The following DDX6 variants were observed in gnomAD, a reference collection of about 807,000 sequenced individuals.
DDX6 encodes the protein DEAD-box helicase 6.
A neutral mutation model predicts 60.6 loss-of-function variants in DDX6; 7 were observed. The observed-to-expected ratio is 0.12, with a 90% CI of 0.07 to 0.22. The LOEUF is 0.22. Ranked by LOEUF, DDX6 falls within the 10% of genes least tolerant of loss-of-function variation. DDX6 has a pLI of 1.00. For missense variants in DDX6, 270 were observed against 589.9 expected, an observed-to-expected ratio of 0.46 and a Z score of 5.62; for synonymous variants, 207 against 201.0, an observed-to-expected ratio of 1.03 and a Z score of -0.25.
Position 118,757,213 on chromosome 11 carries a change from T to C in DDX6, c.1068A>G (p.Gln356=), listed in dbSNP as rs782534467. The change falls in exon 10 of 14, where the codon CAA becomes CAG. Residue 356 remains glutamine (Q), a synonymous_variant. Transcript: ENST00000534980. The part of the protein sequence containing the change: ...RVELLAKKIS[Q]LGYSCFYIHA... ...GAATATAGAAGCAAGAATAACCCAG[T>C]TGAGAAATCTTCTTGGCTAGCAATT... The C allele has an allele frequency of 2.6e-5, 41 of 1,591,516 alleles. No individual in the cohort carries two copies. Among genetic ancestry groups the C allele is most frequent in the African/African-American group, 5.4e-5 (4 of 73,988 alleles).
At chr11:118,761,565 T>C (rs1286103475) in intron 7 of DDX6, among the ~76,000 whole-genome samples, 1 of 151,934 alleles carries the variant, frequency 6.6e-6, no homozygotes. Flanking sequence ...TGCGGTGAGC[T>C]GAGATCGCAC....
chr11:118,758,949 C>A, intron 8 of DDX6, 47 bp from the exon 9 acceptor site: 1 of 1,607,796 alleles, frequency 6.2e-7, no homozygotes, highest in Non-Finnish European at 8.5e-7. Context: ...TAAATGAAAG[C>A]AGAGTTCATC....
chr11:118,754,012 C>A (rs1051205984), intron 13 of DDX6, among the ~76,000 whole-genome samples: 6 of 152,096 alleles, frequency 3.9e-5, no homozygotes, highest in Admixed American at 3.3e-4. Flanking sequence ...GCACCAGAAT[C>A]GCTTGAACCT....
intron 6 of DDX6, among the ~76,000 whole-genome samples, chr11:118,764,804 CA>C (rs782383956): frequency 0.33 from 30,118 of 90,812 alleles, 3,157 homozygotes; most frequent in South Asian, 0.41. Flanking sequence ...ACTCCATCTC[CA>C]AAAAAAAAAA....
intron 10 of DDX6, among the ~76,000 whole-genome samples, chr11:118,756,578 C>A (rs1029125659): frequency 4.6e-5 from 7 of 152,046 alleles, no homozygotes; most frequent in African/African-American, 1.7e-4. Flanking sequence ...TTTGCTAAAT[C>A]AAATTCTGAA....
Position 118,756,016 on chromosome 11 carries a change from TCCCC to T in DDX6, c.1174+240_1174+243del, listed in dbSNP as rs58124280. Reference sequence around the variant, plus strand: ...CTGGGTGACAAAGATTCCATCCCCCTCCCCCCCCCCCCCAAAAAAAAGACAGAGA... The same window carrying T: ...CTGGGTGACAAAGATTCCATCCCCCTCCCCCCCCCAAAAAAAAGACAGAGA... On this transcript the variant is annotated intron_variant, in intron 11 of 13. Coordinates refer to ENST00000534980, the MANE Select transcript of DDX6 (RefSeq NM_004397.6). 1.8e-3 allele frequency among the ~76,000 whole-genome samples: 148 copies of T among 81,416 alleles called. 3 individuals carry two copies. In the East Asian group the frequency reaches 0.023, roughly 12 times the overall value. 53.4% of individuals were successfully genotyped at this position (81,416 alleles called of 152,430 possible).
intron 7 of DDX6, among the ~76,000 whole-genome samples, chr11:118,762,140 G>C (rs372793186): frequency 6.6e-6 from 1 of 151,262 alleles, no homozygotes; most frequent in East Asian, 1.9e-4. Context: ...CTGAGCGTGG[G>C]TGGTACATAA....
chr11:118,764,497 A>G (rs1048305543), intron 6 of DDX6, among the ~76,000 whole-genome samples: 1 of 152,068 alleles, frequency 6.6e-6, no homozygotes, highest in Non-Finnish European at 1.5e-5. Flanking sequence ...TTTCTTCAGG[A>G]AAGATTCTTA....
At chr11:118,765,996 G>A (rs1403887953) in intron 5 of DDX6, among the ~76,000 whole-genome samples, 3 of 151,768 alleles carry the variant, frequency 2.0e-5, no homozygotes, top group East Asian at 1.9e-4. Flanking sequence ...GCTTGAACCC[G>A]AGAGGCAGAG....
At chr11:118,769,370 G>A (rs1437108932) in intron 4 of DDX6, among the ~76,000 whole-genome samples, 1 of 152,148 alleles carries the variant, frequency 6.6e-6, no homozygotes, top group African/African-American at 2.4e-5. Context: ...GCTCTCTATT[G>A]AAGGTTCAAT....
At chr11:118,778,357 T>G (rs147606286) in intron 4 of DDX6, among the ~76,000 whole-genome samples, 2 of 152,226 alleles carry the variant, frequency 1.3e-5, no homozygotes, top group African/African-American at 4.8e-5. Context: ...TCAGCACTAC[T>G]GACATTTTGG....
rs1860635334 is a variant in DDX6 at position 118,748,464 on chromosome 11, C to T, written c.*3641G>A. Reference sequence around the variant, plus strand: ...TAAAGTTCACCAAAAAGCTGACTTACTTCAGCTCTCATGAGGCCAATAATT... The same window carrying T: ...TAAAGTTCACCAAAAAGCTGACTTATTTCAGCTCTCATGAGGCCAATAATT... On this transcript the variant is annotated 3_prime_UTR_variant, in exon 14 of 14. Coordinates refer to ENST00000534980, the MANE Select transcript of DDX6 (RefSeq NM_004397.6). The T allele has an allele frequency of 6.6e-6, 1 of 152,186 alleles. No individual in the cohort carries two copies. Among genetic ancestry groups the T allele is most frequent in the Non-Finnish European group, 1.5e-5 (1 of 68,044 alleles). 9.4% of individuals were successfully genotyped at this position (152,186 alleles called of 1,614,324 possible). A position where few individuals can be genotyped will look rare whatever the true frequency, so the allele number is the denominator to read the frequency against.
intron 4 of DDX6, among the ~76,000 whole-genome samples, chr11:118,776,797 C>A (rs1861714514): frequency 6.7e-6 from 1 of 148,610 alleles, no homozygotes. Context: ...CGCGCCACTG[C>A]ACTCCAGCCT....
intron 4 of DDX6, among the ~76,000 whole-genome samples, chr11:118,772,959 T>TA (rs1279400956): frequency 1.3e-5 from 2 of 152,224 alleles, no homozygotes; most frequent in African/African-American, 4.8e-5. Context: ...TCTAAATTGT[T>TA]ATAGTGCATC....
intron 2 of DDX6, 106 bp from the exon 3 acceptor site, chr11:118,781,290 A>G: frequency 1.4e-6 from 1 of 691,106 alleles, no homozygotes; most frequent in South Asian, 1.8e-5. Flanking sequence ...TAAGTTTAAT[A>G]TATTCCATTT....
intron 4 of DDX6, among the ~76,000 whole-genome samples, chr11:118,773,884 C>G (rs1381128404): frequency 6.6e-6 from 1 of 150,578 alleles, no homozygotes; most frequent in Middle Eastern, 3.2e-3. Flanking sequence ...ACAAAACAAA[C>G]AAACAAAAAA....
chr11:118,763,427 T>C, intron 6 of DDX6, 121 bp from the exon 7 acceptor site: 3 of 763,464 alleles, frequency 3.9e-6, no homozygotes, highest in Non-Finnish European at 6.7e-6. Context: ...CATTGCTATG[T>C]GATGGTATAG....
intron 1 of DDX6, chr11:118,790,896 C>T (rs557390884): frequency 6.5e-6 from 1 of 152,898 alleles, no homozygotes; most frequent in South Asian, 2.1e-4. Flanking sequence ...CCAACGAGGC[C>T]ACTCCCGCTC....
rs1405466818 is a variant in DDX6 at position 118,759,778 on chromosome 11, T to A, written c.864+144A>T. 7 of 887,052 alleles carry A rather than the reference T, an allele frequency of 7.9e-6. No homozygotes were observed. The East Asian group carries it at 2.1e-4, about 26-fold the overall frequency. 54.9% of individuals were successfully genotyped at this position (887,052 alleles called of 1,614,324 possible). A position where few individuals can be genotyped will look rare whatever the true frequency, so the allele number is the denominator to read the frequency against. On this transcript the variant is annotated intron_variant, in intron 8 of 13. Coordinates refer to ENST00000534980, the MANE Select transcript of DDX6 (RefSeq NM_004397.6). ...TCAGTTAATTTACGTAAAACAAATC[T>A]TTAATTGATCAACTGAAGAAAGAGC...
Sources: gnomAD v4.1 joint callset for allele counts (sites outside exome capture counted in the v4.1 genomes callset) on GRCh38, gnomAD v4.1.1 for gene constraint, MANE v1.5 for transcripts, NCBI Gene and HGNC (gene_info 2026-07-23, HGNC 2026-07-21) for gene names.